GALNTL6: variants seen among roughly 807,000 people sequenced by gnomAD.
GALNTL6 encodes polypeptide N-acetylgalactosaminyltransferase like 6.
In GALNTL6, 46 loss-of-function variants were observed where a neutral mutation model predicts 73.7. The ratio of observed to expected loss-of-function variants is 0.62; its 90% CI spans 0.49 to 0.80. GALNTL6 has a LOEUF of 0.80. Among genes scored for constraint, GALNTL6 ranks in the 30% least tolerant of loss-of-function variants. The pLI, the probability that GALNTL6 is intolerant of heterozygous loss-of-function variation, is 0.00. For synonymous variants in GALNTL6, 259 were observed against 263.7 expected (o/e 0.98, Z 0.17); for missense variants, 604 against 755.0 (o/e 0.80, Z 2.34).
intron 2 of GALNTL6, among the ~76,000 whole-genome samples, chr4:172,227,110 T>C (rs977683742): frequency 3.9e-5 from 6 of 152,156 alleles, no homozygotes; most frequent in African/African-American, 1.4e-4. Context: ...AATAGTGATA[T>C]GAAGTTCTCT....
intron 3 of GALNTL6, among the ~76,000 whole-genome samples, chr4:172,285,041 CATT>C (rs1383973310): frequency 6.6e-6 from 1 of 152,112 alleles, no homozygotes; most frequent in Non-Finnish European, 1.5e-5. Flanking sequence ...ATAGTATGGT[CATT>C]GTAATAATAT....
At chr4:172,896,591 A>G (rs1405647041) in intron 8 of GALNTL6, among the ~76,000 whole-genome samples, 1 of 152,072 alleles carries the variant, frequency 6.6e-6, no homozygotes, top group South Asian at 2.1e-4. Flanking sequence ...TGCAACAAGG[A>G]GAACTTGGAT....
chr4:172,878,334 A>C, intron 7 of GALNTL6, among the ~76,000 whole-genome samples: 1 of 151,994 alleles, frequency 6.6e-6, no homozygotes, highest in East Asian at 1.9e-4. Context: ...TGGTGTTCAT[A>C]ATATAATTTC....
At chr4:171,846,672 A>G (rs1443103470) in intron 2 of GALNTL6, among the ~76,000 whole-genome samples, 7 of 151,342 alleles carry the variant, frequency 4.6e-5, no homozygotes, top group African/African-American at 1.7e-4. Flanking sequence ...GTCTATTCAT[A>G]TCTTTATATC....
chr4:172,798,744 T>C (rs1262752115), intron 5 of GALNTL6, among the ~76,000 whole-genome samples: 1 of 152,200 alleles, frequency 6.6e-6, no homozygotes, highest in East Asian at 1.9e-4. Context: ...TTAAAAACTA[T>C]ATAACCTGAT....
intron 5 of GALNTL6, among the ~76,000 whole-genome samples, chr4:172,536,593 G>A (rs1735355122): frequency 6.6e-6 from 1 of 152,168 alleles, no homozygotes. Flanking sequence ...GAACTTGGGA[G>A]ACATGATTTA....
chr4:172,654,073 G>T (rs1730850539), intron 5 of GALNTL6, among the ~76,000 whole-genome samples: 2 of 152,266 alleles, frequency 1.3e-5, no homozygotes, highest in Admixed American at 6.5e-5. Context: ...GAGAGAAAGA[G>T]AACAGTTCTC....
intron 2 of GALNTL6, among the ~76,000 whole-genome samples, chr4:171,911,443 C>T (rs1340616492): frequency 2.6e-5 from 4 of 152,212 alleles, no homozygotes; most frequent in African/African-American, 4.8e-5. Context: ...TGAGCCACTG[C>T]GCCCAGCCCC....
chr4:172,100,669 A>G (rs569710789), intron 2 of GALNTL6, among the ~76,000 whole-genome samples: 3 of 152,212 alleles, frequency 2.0e-5, no homozygotes, highest in Non-Finnish European at 2.9e-5. Flanking sequence ...CTCTCACAAT[A>G]ATCTTTCAAG....
chr4:172,492,710 A>G (rs1304430419), intron 5 of GALNTL6, among the ~76,000 whole-genome samples: 4 of 152,184 alleles, frequency 2.6e-5, no homozygotes, highest in Admixed American at 2.6e-4. Flanking sequence ...CAGTTTCCCT[A>G]ATTCTAAAAT....
At chr4:172,143,690 C>T (rs1560940466) in intron 2 of GALNTL6, among the ~76,000 whole-genome samples, 1 of 152,078 alleles carries the variant, frequency 6.6e-6, no homozygotes, top group African/African-American at 2.4e-5. Flanking sequence ...TGCCTGCCCC[C>T]CATTCATGAA....
chr4:172,288,677 ATAAG>A (rs1248114592), intron 3 of GALNTL6, among the ~76,000 whole-genome samples: 1 of 152,202 alleles, frequency 6.6e-6, no homozygotes, highest in Non-Finnish European at 1.5e-5. Flanking sequence ...CTGGCACATA[ATAAG>A]TATGTAATAA....
intron 2 of GALNTL6, among the ~76,000 whole-genome samples, chr4:172,199,278 A>AT (rs201430028): frequency 2.0e-5 from 3 of 152,134 alleles, no homozygotes; most frequent in African/African-American, 7.2e-5. Context: ...TTTTTGTGGA[A>AT]TTTTTTTAGT....
intron 5 of GALNTL6, among the ~76,000 whole-genome samples, chr4:172,571,549 C>T (rs931884661): frequency 9.2e-5 from 14 of 152,112 alleles, no homozygotes; most frequent in East Asian, 3.9e-4. Flanking sequence ...GAGACACTAT[C>T]GAACGTATCA....
chr4:173,037,314 G>A (rs537344272), intron 12 of GALNTL6, among the ~76,000 whole-genome samples: 2 of 152,324 alleles, frequency 1.3e-5, no homozygotes, highest in Non-Finnish European at 2.9e-5. Context: ...AGAGGCTCCA[G>A]AGATTTATCT....
intron 2 of GALNTL6, among the ~76,000 whole-genome samples, chr4:172,200,072 C>G (rs1435852204): frequency 6.6e-6 from 1 of 152,084 alleles, no homozygotes; most frequent in East Asian, 1.9e-4. Context: ...TGGGGAAATG[C>G]AATCACTAGC....
chr4:172,871,955 G>A (rs374632280), intron 7 of GALNTL6, among the ~76,000 whole-genome samples: 41 of 152,036 alleles, frequency 2.7e-4, no homozygotes, highest in East Asian at 2.3e-3. Context: ...CACCATGCCC[G>A]GCTAATATTG....
chr4:172,726,904 A>T (rs563214311), intron 5 of GALNTL6, among the ~76,000 whole-genome samples: 1 of 152,332 alleles, frequency 6.6e-6, no homozygotes, highest in African/African-American at 2.4e-5. Context: ...ATCAAATGTC[A>T]GGTCATCTTC....
At chr4:172,040,703 TAA>T (rs1467961082) in intron 2 of GALNTL6, among the ~76,000 whole-genome samples, 2 of 152,090 alleles carry the variant, frequency 1.3e-5, no homozygotes, top group Non-Finnish European at 2.9e-5. Context: ...AATTGATACT[TAA>T]AGAGGCTAAC....
Sources: gnomAD v4.1 joint callset for allele counts (sites outside exome capture counted in the v4.1 genomes callset) on GRCh38, gnomAD v4.1.1 for gene constraint, MANE v1.5 for transcripts, NCBI Gene and HGNC (gene_info 2026-07-23, HGNC 2026-07-21) for gene names.